SPIN1: variants seen among roughly 807,000 people sequenced by gnomAD.
SPIN1 encodes spindlin-1.
A neutral mutation model predicts 26.0 loss-of-function variants in SPIN1; 3 were observed. That is an observed-to-expected ratio of 0.12 (90% CI 0.05 to 0.30). The LOEUF (loss-of-function observed/expected upper bound fraction) is 0.30. Among genes scored for constraint, SPIN1 ranks in the 10% least tolerant of loss-of-function variants. The pLI is 1.00. For missense variants in SPIN1, 126 were observed against 333.4 expected (o/e 0.38, Z 4.84); for synonymous variants, 101 against 116.5 (o/e 0.87, Z 0.86).
intron 2 of SPIN1, among the ~76,000 whole-genome samples, chr9:88,429,374 C>T (rs1340174799): frequency 6.6e-6 from 1 of 152,152 alleles, no homozygotes; most frequent in Non-Finnish European, 1.5e-5. Flanking sequence ...CTGCTTGCTT[C>T]TGATGCCAGT....
rs540276758 is a variant in SPIN1 at position 88,442,424 on chromosome 9, G to T, written c.53-6517G>T. Among the ~76,000 whole-genome samples the T allele has an allele frequency of 9.3e-3, 1,044 of 112,036 alleles. 8 individuals carry two copies. The highest frequency in any genetic ancestry group is 0.012 in the Non-Finnish European group (671 of 55,384). The allele number at this position is 112,036 out of a possible 152,430, so 73.5% of individuals were successfully genotyped here. On this transcript the variant is annotated intron_variant, in intron 2 of 5. Transcript: ENST00000375859. ...TCTTTTTCTTTCCTTTTTTTTTTTT[G>T]AAGACAGTCTTGCTCTGTCACCTGG... is the stretch of plus-strand genomic sequence containing the variant.
In SPIN1 at chr9:88,415,039, G is replaced by T. The variant is rs150765569; in HGVS notation, c.-158-11343G>T. ...CTGCCTTAGCCTCCCGAGTAGCTGA[G>T]ACTAAAGGTGCATGCCACCACGCCT... On this transcript the variant is annotated intron_variant, in intron 1 of 5. Transcript: ENST00000375859. Among the ~76,000 whole-genome samples the T allele has an allele frequency of 9.2e-5, 14 of 152,202 alleles. 1 individual carries two copies. In the East Asian group the frequency reaches 2.7e-3, roughly 30 times the overall value.
intron 1 of SPIN1, among the ~76,000 whole-genome samples, chr9:88,424,302 G>A (rs923561750): frequency 1.3e-5 from 2 of 152,106 alleles, no homozygotes; most frequent in Admixed American, 1.3e-4. Flanking sequence ...TGTCTGCTGA[G>A]GCTGTGGGTA....
rs575300878 is a variant in SPIN1 at position 88,397,251 on chromosome 9, A to G, written c.-159+8713A>G. ...ATAACACGTAGCTTAAAACAGCCTC[A>G]TAATATGGATCCACTGTAGTATATG... On this transcript the variant is annotated intron_variant, in intron 1 of 5. Coordinates refer to ENST00000375859, the MANE Select transcript of SPIN1 (RefSeq NM_006717.3). Among the ~76,000 whole-genome samples, 69 of 152,236 alleles carry G rather than the reference A, an allele frequency of 4.5e-4. 1 individual carries two copies. The highest frequency in any genetic ancestry group is 1.5e-3 in the African/African-American group (64 of 41,570).
intron 2 of SPIN1, among the ~76,000 whole-genome samples, chr9:88,446,445 T>G (rs1273754556): frequency 3.3e-5 from 5 of 151,666 alleles, no homozygotes; most frequent in Non-Finnish European, 7.4e-5. Context: ...TTGCTCTTGT[T>G]GCCCAAGCTG....
chr9:88,454,139 TG>T (rs1828421015), intron 3 of SPIN1, among the ~76,000 whole-genome samples: 1 of 152,222 alleles, frequency 6.6e-6, no homozygotes, highest in South Asian at 2.1e-4. Flanking sequence ...TGAAGTATCT[TG>T]GTATTTGTTT....
intron 2 of SPIN1, among the ~76,000 whole-genome samples, chr9:88,429,815 T>A (rs1216020587): frequency 6.6e-6 from 1 of 152,150 alleles, no homozygotes; most frequent in African/African-American, 2.4e-5. Context: ...AGTCATGCCT[T>A]GGTCCTACTA....
At chr9:88,425,173 AG>A (rs1827741034) in intron 1 of SPIN1, among the ~76,000 whole-genome samples, 2 of 152,170 alleles carry the variant, frequency 1.3e-5, no homozygotes, top group South Asian at 4.2e-4. Flanking sequence ...AGAGAGTAAT[AG>A]GGGCCCATTA....
rs140983411 is a variant in SPIN1 at position 88,408,450 on chromosome 9, T to C, written c.-158-17932T>C. Reference sequence around the variant, plus strand: ...TGCAGTGCAGTGGTGCTATCTTGGCTAACTGCAACCTCCGCCTCCTGGGTT... The same window carrying C: ...TGCAGTGCAGTGGTGCTATCTTGGCCAACTGCAACCTCCGCCTCCTGGGTT... On this transcript the variant is annotated intron_variant, in intron 1 of 5. Coordinates refer to ENST00000375859, the MANE Select transcript of SPIN1 (RefSeq NM_006717.3). Among the ~76,000 whole-genome samples the C allele has an allele frequency of 6.7e-3, 1,005 of 149,346 alleles. 13 individuals carry two copies. The highest frequency in any genetic ancestry group is 0.024 in the African/African-American group (958 of 40,480).
Position 88,393,182 on chromosome 9 carries a change from A to G in SPIN1, c.-159+4644A>G, listed in dbSNP as rs370664351. ...GAGGGGAGGAGGAAGAATTTACTCA[A>G]TGTAAATATTATTTTATCCAAATGG... On this transcript the variant is annotated intron_variant, in intron 1 of 5. Coordinates refer to ENST00000375859, the MANE Select transcript of SPIN1 (RefSeq NM_006717.3). Among the ~76,000 whole-genome samples the G allele has an allele frequency of 7.3e-5, 11 of 149,760 alleles. No homozygotes were observed. The East Asian group carries it at 2.0e-3, about 27-fold the overall frequency.
intron 1 of SPIN1, among the ~76,000 whole-genome samples, chr9:88,406,292 A>ATTT (rs34100420): frequency 1.5e-5 from 2 of 135,426 alleles, no homozygotes; most frequent in Non-Finnish European, 3.1e-5. Context: ...ATATACTAGA[A>ATTT]TTTTTTTTTT....
In SPIN1 at chr9:88,410,460, A is replaced by G. The variant is rs2117956676; in HGVS notation, c.-158-15922A>G. On this transcript the variant is annotated intron_variant, in intron 1 of 5. Coordinates refer to ENST00000375859, the MANE Select transcript of SPIN1 (RefSeq NM_006717.3). ...CCACTGTGCTTGGCTGAATTCACAA[A>G]TCTGTTTTAACCTGTAGCTTCTCTG... 3 of 682,714 alleles carry G rather than the reference A, an allele frequency of 4.4e-6. No individual in the cohort carries two copies. The East Asian group carries it at 8.6e-5, about 20-fold the overall frequency. 42.3% of individuals were successfully genotyped at this position (682,714 alleles called of 1,614,324 possible).
At chr9:88,440,591 T>C (rs567344465) in intron 2 of SPIN1, among the ~76,000 whole-genome samples, 1 of 152,118 alleles carries the variant, frequency 6.6e-6, no homozygotes, top group African/African-American at 2.4e-5. Flanking sequence ...CCTTTTTTTT[T>C]TCTCTGAGAT....
At chr9:88,456,371 T>C (rs1454240930) in intron 3 of SPIN1, among the ~76,000 whole-genome samples, 1 of 152,160 alleles carries the variant, frequency 6.6e-6, no homozygotes, top group East Asian at 1.9e-4. Context: ...CAAGTTTATA[T>C]CAAGACTCCA....
intron 1 of SPIN1, chr9:88,411,589 C>G (rs1395943751): frequency 1.8e-6 from 1 of 568,826 alleles, no homozygotes. Context: ...TCTTGGCTTA[C>G]TATAGCCTTG....
intron 4 of SPIN1, among the ~76,000 whole-genome samples, chr9:88,467,922 T>C (rs1828703545): frequency 1.3e-5 from 2 of 151,750 alleles, no homozygotes; most frequent in Admixed American, 6.6e-5. Flanking sequence ...TCTGTGGTTA[T>C]GTAAGATGCT....
intron 1 of SPIN1, among the ~76,000 whole-genome samples, chr9:88,392,404 G>C (rs1826943971): frequency 6.6e-6 from 1 of 152,146 alleles, no homozygotes; most frequent in South Asian, 2.1e-4. Flanking sequence ...TATAATGAGG[G>C]AATTCTGTGC....
At chr9:88,424,371 T>C (rs1161894111) in intron 1 of SPIN1, among the ~76,000 whole-genome samples, 2 of 152,218 alleles carry the variant, frequency 1.3e-5, no homozygotes, top group African/African-American at 4.8e-5. Context: ...AATTTTTGTA[T>C]GTTTTTCATC....
chr9:88,471,269 G>C (rs1180638565), intron 5 of SPIN1, among the ~76,000 whole-genome samples: 1 of 151,480 alleles, frequency 6.6e-6, no homozygotes, highest in Non-Finnish European at 1.5e-5. Flanking sequence ...TTTTGTTTGT[G>C]GTTCAAGTTA....
Sources: gnomAD v4.1 joint callset for allele counts (sites outside exome capture counted in the v4.1 genomes callset) on GRCh38, gnomAD v4.1.1 for gene constraint, MANE v1.5 for transcripts, NCBI Gene and HGNC (gene_info 2026-07-23, HGNC 2026-07-21) for gene names.